Variants in VPS13B observed in about 807,000 individuals in gnomAD.
VPS13B encodes vacuolar protein sorting 13 homolog B, also known as intermembrane lipid transfer protein VPS13B.
Under a neutral mutation model 426.4 loss-of-function variants are expected in VPS13B, and 285 were observed. The observed-to-expected ratio is 0.67, with a 90% CI of 0.61 to 0.74. The LOEUF (loss-of-function observed/expected upper bound fraction) is 0.74. Among genes scored for constraint, VPS13B ranks in the 30% least tolerant of loss-of-function variants. The probability of loss-of-function intolerance (pLI) is 0.00; values close to 1 mark genes in which losing one functional copy is unlikely to be tolerated. For missense variants in VPS13B, 4,537 were observed against 4,782.6 expected (o/e 0.95, Z 1.51); for synonymous variants, 1,676 against 1,676.4 (o/e 1.00, Z 0.01).
intron 34 of VPS13B, among the ~76,000 whole-genome samples, chr8:99,647,573 TAA>T (rs111538532): frequency 1.5e-3 from 165 of 111,714 alleles, no homozygotes; most frequent in Middle Eastern, 0.011. Flanking sequence ...AGCAAGACTG[TAA>T]AAAAAAAAAA....
intron 33 of VPS13B, among the ~76,000 whole-genome samples, chr8:99,623,436 G>A (rs569136009): frequency 6.6e-5 from 10 of 152,126 alleles, no homozygotes; most frequent in South Asian, 4.2e-4. Flanking sequence ...CTACCTCCTC[G>A]TAATATAGGC....
rs1201814636 is a variant in VPS13B at position 99,204,698 on chromosome 8, A to G, written c.2515+11641A>G. Reference sequence around the variant, plus strand: ...CCCTATGAAAAAGTGTGCAAAAGATATGAACAAACATTTCTCAAAAGAAGA... The same window carrying G: ...CCCTATGAAAAAGTGTGCAAAAGATGTGAACAAACATTTCTCAAAAGAAGA... On this transcript the variant is annotated intron_variant, in intron 17 of 61. Coordinates refer to ENST00000357162, the MANE Select transcript of VPS13B (RefSeq NM_152564.5). 2.6e-5 allele frequency among the ~76,000 whole-genome samples: 4 copies of G among 152,234 alleles called. No homozygotes were observed. In the East Asian group the frequency reaches 5.8e-4, roughly 22 times the overall value.
intron 35 of VPS13B, among the ~76,000 whole-genome samples, chr8:99,685,921 T>C (rs74812274): frequency 0.042 from 6,451 of 152,264 alleles, 150 homozygotes; most frequent in East Asian, 0.057. Flanking sequence ...TTCATCAGTG[T>C]CTGGGCATTG....
chr8:99,773,914 G>T (rs1188373961), intron 40 of VPS13B, among the ~76,000 whole-genome samples: 2 of 152,130 alleles, frequency 1.3e-5, no homozygotes, highest in Non-Finnish European at 2.9e-5. Flanking sequence ...CTTTTAAGAT[G>T]TGAATCAGAT....
At chr8:99,588,041 G>T (rs1826398903) in intron 33 of VPS13B, among the ~76,000 whole-genome samples, 1 of 151,698 alleles carries the variant, frequency 6.6e-6, no homozygotes, top group African/African-American at 2.4e-5. Flanking sequence ...TCTACATATG[G>T]TTAGCCAGTT....
At chr8:99,586,495 CCTT>C (rs1165890679) in intron 33 of VPS13B, among the ~76,000 whole-genome samples, 1 of 152,098 alleles carries the variant, frequency 6.6e-6, no homozygotes, top group Admixed American at 6.5e-5. Flanking sequence ...CTAGTCTAGT[CCTT>C]CTTAATGAGT....
At chr8:99,506,900 T>C (rs1394839075) in intron 27 of VPS13B, among the ~76,000 whole-genome samples, 1 of 152,206 alleles carries the variant, frequency 6.6e-6, no homozygotes, top group Non-Finnish European at 1.5e-5. Context: ...ATCGAGGAGA[T>C]GGAAGTAAAT....
In VPS13B at chr8:99,642,486, T is replaced by C; in HGVS notation, c.5896T>C (p.Tyr1966His). The change falls in exon 34 of 62, where the codon TAC becomes CAC. Residue 1966 changes from tyrosine (Y) to histidine (H), a missense_variant. By Grantham distance (83) the Tyr-to-His change is moderately conservative. Around this residue, in one of 2 missense-constraint regions of VPS13B, gnomAD observed 4,311 missense variants for 4,474.3 expected, o/e 0.96. Transcript: ENST00000357162. ...TGTGCTTAAAGGGGTGGCCTCTGAT[T>C]ACAAATGTATAGGTAAGAACCTTCA... ...DAVLKGVASD[Y>H]KCIDPGKTLP... is the part of the protein sequence containing the mutation. 6.2e-7 allele frequency: 1 copy of C among 1,612,800 alleles called. No individual in the cohort carries two copies. The highest frequency in any genetic ancestry group is 8.5e-7 in the Non-Finnish European group (1 of 1,179,742).
chr8:99,600,653 GA>G (rs1188788453), intron 33 of VPS13B, among the ~76,000 whole-genome samples: 1 of 152,138 alleles, frequency 6.6e-6, no homozygotes, highest in Non-Finnish European at 1.5e-5. Context: ...CTCATTTGGG[GA>G]AGAGAGGAGA....
intron 17 of VPS13B, chr8:99,240,790 G>C (rs1816890066): frequency 6.6e-6 from 1 of 152,596 alleles, no homozygotes; most frequent in South Asian, 2.1e-4. Flanking sequence ...TATTTGGTAA[G>C]ACTAGCATAA....
intron 19 of VPS13B, among the ~76,000 whole-genome samples, chr8:99,279,285 ATTTT>A (rs1819049376): frequency 6.6e-6 from 1 of 151,980 alleles, no homozygotes; most frequent in African/African-American, 2.4e-5. Context: ...TTCTTCCCTT[ATTTT>A]TTATTATTAT....
chr8:99,527,875 A>G (rs1822728739), intron 30 of VPS13B: 2 of 152,116 alleles, frequency 1.3e-5, no homozygotes, highest in African/African-American at 4.8e-5. Flanking sequence ...ATGACCAGTT[A>G]CAGATTTCTT....
At chr8:99,175,237 A>C (rs1280705229) in intron 16 of VPS13B, among the ~76,000 whole-genome samples, 1 of 152,226 alleles carries the variant, frequency 6.6e-6, no homozygotes, top group Non-Finnish European at 1.5e-5. Flanking sequence ...TTGATTTCTC[A>C]TCAAGTATTT....
intron 3 of VPS13B, among the ~76,000 whole-genome samples, chr8:99,073,798 T>C: frequency 6.6e-6 from 1 of 151,602 alleles, no homozygotes. Flanking sequence ...GTCATAAAGT[T>C]TCACTCTGTT....
At chr8:99,750,062 G>C (rs1312109033) in intron 39 of VPS13B, among the ~76,000 whole-genome samples, 1 of 152,032 alleles carries the variant, frequency 6.6e-6, no homozygotes, top group Non-Finnish European at 1.5e-5. Flanking sequence ...ACAATGGTTT[G>C]CAATAATTAC....
At chr8:99,053,664 C>A (rs1263071439) in intron 3 of VPS13B, among the ~76,000 whole-genome samples, 2 of 142,572 alleles carry the variant, frequency 1.4e-5, no homozygotes, top group African/African-American at 5.1e-5. Context: ...GACAAGGTTC[C>A]TTTTTTTTTC....
intron 19 of VPS13B, among the ~76,000 whole-genome samples, chr8:99,372,568 C>A (rs1404082443): frequency 6.6e-6 from 1 of 152,174 alleles, no homozygotes; most frequent in Non-Finnish European, 1.5e-5. Context: ...AAAAAAAGTT[C>A]ATCATCATTG....
At chr8:99,356,481 C>G (rs1000893899) in intron 19 of VPS13B, among the ~76,000 whole-genome samples, 1 of 152,092 alleles carries the variant, frequency 6.6e-6, no homozygotes, top group Non-Finnish European at 1.5e-5. Context: ...GACCCTGTCT[C>G]TACAAAATTT....
chr8:99,442,884 A>G (rs931405664), intron 23 of VPS13B, among the ~76,000 whole-genome samples: 1 of 152,174 alleles, frequency 6.6e-6, no homozygotes, highest in Non-Finnish European at 1.5e-5. Context: ...ATGTAAACGT[A>G]GGAAAAATTA....
Sources: allele counts gnomAD v4.1 joint callset (sites outside exome capture counted in the v4.1 genomes callset), GRCh38; gene constraint gnomAD v4.1.1; regional missense constraint gnomAD v4.1.1; transcripts MANE v1.5; gene names NCBI Gene and HGNC (gene_info 2026-07-23, HGNC 2026-07-21).